Variants in SLC41A2 observed in about 807,000 individuals in gnomAD.
SLC41A2 encodes SLC41A1-like 1.
A neutral mutation model predicts 58.3 loss-of-function variants in SLC41A2; 32 were observed. The ratio of observed to expected loss-of-function variants is 0.55; its 90% CI spans 0.41 to 0.74. The LOEUF (loss-of-function observed/expected upper bound fraction) is 0.74. SLC41A2 is among the 30% of genes least tolerant of loss of function. The probability of loss-of-function intolerance (pLI) is 0.00; values close to 1 mark genes in which losing one functional copy is unlikely to be tolerated. For synonymous variants in SLC41A2, 190 were observed against 235.0 expected (o/e 0.81, Z 1.75); for missense variants, 514 against 680.6 (o/e 0.76, Z 2.72).
chr12:104,893,838 G>C (rs2045140585), intron 4 of SLC41A2, among the ~76,000 whole-genome samples: 1 of 152,172 alleles, frequency 6.6e-6, no homozygotes, highest in Non-Finnish European at 1.5e-5. Context: ...AAAGTAGAAG[G>C]ATGGTTGCTA....
At chr12:104,887,526 C>A (rs1259621262) in intron 5 of SLC41A2, among the ~76,000 whole-genome samples, 14 of 151,678 alleles carry the variant, frequency 9.2e-5, no homozygotes. Context: ...ACTTACCTTT[C>A]CCATAATATC....
rs1173703110 is a variant in SLC41A2, at chr12:104,928,705, A to G, written c.-167-11T>C. 1.9e-5 allele frequency: 8 copies of G among 432,340 alleles called. No homozygotes were observed. The highest frequency in any genetic ancestry group is 1.5e-4 in the Admixed American group (4 of 25,880). 26.8% of individuals were successfully genotyped at this position (432,340 alleles called of 1,614,324 possible). The stretch of plus-strand genomic sequence containing the variant: ...ACAGAAGGACTGGATCTGGAAAAAT[A>G]AAATAATTTTTAAAAATCAGAGAAA... On this transcript the variant is annotated splice_polypyrimidine_tract_variant and intron_variant, in intron 1 of 10. Transcript: ENST00000258538.
chr12:104,804,915 A>ATATC lies in SLC41A2; in HGVS notation c.*233_*236dup, dbSNP rs2136176756. On this transcript the variant is annotated 3_prime_UTR_variant, in exon 11 of 11. Coordinates refer to ENST00000258538, the MANE Select transcript of SLC41A2 (RefSeq NM_001352171.3). ...CTAATTAATTTCAGAGCTGGAACTTATATCTATGTCTATGTCAAATTATCA... is the reference window on the plus strand; with the variant it reads ...CTAATTAATTTCAGAGCTGGAACTTATATCTATCTATGTCTATGTCAAATTATCA... The ATATC allele has an allele frequency of 3.3e-6, 1 of 306,062 alleles. No individual in the cohort carries two copies. Among genetic ancestry groups the ATATC allele is most frequent in the East Asian group, 5.7e-5 (1 of 17,632 alleles). The allele number at this position is 306,062 out of a possible 1,614,324, so 19.0% of individuals were successfully genotyped here. A position where few individuals can be genotyped will look rare whatever the true frequency, so the allele number is the denominator to read the frequency against.
intron 10 of SLC41A2, among the ~76,000 whole-genome samples, chr12:104,808,899 G>C (rs1459245697): frequency 1.3e-5 from 2 of 152,028 alleles, no homozygotes; most frequent in East Asian, 3.8e-4. Flanking sequence ...TATTTCTGTG[G>C]GATTTTTAAA....
chr12:104,856,748 G>A (rs1319466479), intron 8 of SLC41A2, among the ~76,000 whole-genome samples: 1 of 152,022 alleles, frequency 6.6e-6, no homozygotes, highest in Non-Finnish European at 1.5e-5. Flanking sequence ...GGTGAAAGAA[G>A]TTAAAAATAG....
At position 104,857,549 on chromosome 12, in the gene SLC41A2, C is replaced by T. The variant is rs373147421; in HGVS notation, c.1255+3742G>A. Among the ~76,000 whole-genome samples the T allele has an allele frequency of 3.9e-5, 6 of 152,184 alleles. No individual in the cohort carries two copies. In the East Asian group the frequency reaches 1.2e-3, roughly 29 times the overall value. On this transcript the variant is annotated intron_variant, in intron 8 of 10. Coordinates refer to ENST00000258538, the MANE Select transcript of SLC41A2 (RefSeq NM_001352171.3). ...AATCATGCTGCTATAAAGACACATG[C>T]ACATGTATGTTTATTGAGGCACTAT...
chr12:104,928,150 G>A lies in SLC41A2; in HGVS notation c.378C>T (p.Thr126=). The A allele has an allele frequency of 6.2e-7, 1 of 1,614,078 alleles. No homozygotes were observed. The highest frequency in any genetic ancestry group is 1.1e-5 in the South Asian group (1 of 91,070). ...TATCTTCATCTTGTAACATGGCAGT[G>A]GTTTCTGAAGTCTCCCTTCCATCAC... ...NYCDGRETSE[T]TAMLQDEDIS... The change falls in exon 2 of 11, where the codon ACC becomes ACT. Residue 126 remains threonine, a synonymous_variant. Transcript: ENST00000258538.
intron 1 of SLC41A2, among the ~76,000 whole-genome samples, chr12:104,935,114 C>T (rs1194491076): frequency 7.2e-5 from 11 of 152,186 alleles, no homozygotes; most frequent in South Asian, 2.1e-4. Context: ...CATGCCACCA[C>T]GCCCGGCTAA....
intron 6 of SLC41A2, among the ~76,000 whole-genome samples, chr12:104,884,661 T>C (rs1017995489): frequency 8.5e-5 from 13 of 152,166 alleles, no homozygotes; most frequent in African/African-American, 3.1e-4. Flanking sequence ...CCTCCTCCAA[T>C]TGGGAGAGAC....
intron 4 of SLC41A2, among the ~76,000 whole-genome samples, chr12:104,892,024 G>A (rs918491008): frequency 2.0e-5 from 3 of 152,100 alleles, no homozygotes; most frequent in African/African-American, 7.2e-5. Context: ...AACAGGCCGG[G>A]AGCAGTGGCT....
chr12:104,953,998 G>A (rs544787750), intron 1 of SLC41A2, among the ~76,000 whole-genome samples: 4 of 152,178 alleles, frequency 2.6e-5, no homozygotes, highest in Admixed American at 1.3e-4. Flanking sequence ...TAAATAAGTC[G>A]AATCTGTCTT....
chr12:104,839,463 T>C (rs1182816205), intron 10 of SLC41A2, among the ~76,000 whole-genome samples: 4 of 151,934 alleles, frequency 2.6e-5, no homozygotes, highest in Non-Finnish European at 5.9e-5. Flanking sequence ...TGATCACCCA[T>C]CTAATTATAG....
At chr12:104,820,793 C>T (rs1039057246) in intron 10 of SLC41A2, among the ~76,000 whole-genome samples, 2 of 152,108 alleles carry the variant, frequency 1.3e-5, no homozygotes, top group African/African-American at 4.8e-5. Context: ...CAGGTGCCCG[C>T]CACCATGCCC....
intron 10 of SLC41A2, among the ~76,000 whole-genome samples, chr12:104,840,113 A>G (rs2042358200): frequency 1.3e-5 from 2 of 152,210 alleles, no homozygotes; most frequent in South Asian, 4.1e-4. Flanking sequence ...ACAAACAGAA[A>G]ACCCTGAAGA....
chr12:104,930,155 T>C (rs1431783586), intron 1 of SLC41A2, among the ~76,000 whole-genome samples: 2 of 152,240 alleles, frequency 1.3e-5, no homozygotes, highest in Non-Finnish European at 2.9e-5. Context: ...ATCTTTTTTA[T>C]TTTTAACTTT....
chr12:104,866,601 AAAAG>A (rs1351163790), intron 6 of SLC41A2, 22 bp from the exon 7 acceptor site: 2 of 1,539,002 alleles, frequency 1.3e-6, no homozygotes, highest in Non-Finnish European at 8.8e-7. Context: ...AAAAAAAAAA[AAAAG>A]AGAGACAACA....
intron 2 of SLC41A2, among the ~76,000 whole-genome samples, chr12:104,915,972 A>T (rs909906862): frequency 2.0e-5 from 3 of 152,208 alleles, no homozygotes; most frequent in African/African-American, 7.2e-5. Context: ...GAGAGTTTTT[A>T]GCATAAGGGG....
intron 1 of SLC41A2, among the ~76,000 whole-genome samples, chr12:104,952,363 G>A (rs1424517715): frequency 6.6e-6 from 1 of 152,122 alleles, no homozygotes; most frequent in Non-Finnish European, 1.5e-5. Context: ...TTAGGCGAAC[G>A]AATCTTTATG....
intron 10 of SLC41A2, among the ~76,000 whole-genome samples, chr12:104,819,630 T>C (rs1012668729): frequency 2.0e-5 from 3 of 152,252 alleles, no homozygotes; most frequent in Non-Finnish European, 4.4e-5. Context: ...GAATGAGTAC[T>C]GTGCTAGATA....
Sources: allele counts gnomAD v4.1 joint callset (sites outside exome capture counted in the v4.1 genomes callset), GRCh38; gene constraint gnomAD v4.1.1; transcripts MANE v1.5; gene names NCBI Gene and HGNC (gene_info 2026-07-23, HGNC 2026-07-21).